Variants in SORCS1 observed in about 807,000 individuals in gnomAD.
SORCS1 encodes sortilin related VPS10 domain containing receptor 1, also known as VPS10 domain-containing receptor SorCS1.
A neutral mutation model predicts 146.1 loss-of-function variants in SORCS1; 60 were observed. The observed-to-expected ratio is 0.41, with a 90% CI of 0.33 to 0.51. The LOEUF (loss-of-function observed/expected upper bound fraction) is 0.51, where lower values mean the gene tolerates loss of function less well. SORCS1 is among the 20% of genes least tolerant of loss of function. The pLI is 0.21. For synonymous variants in SORCS1, 637 were observed against 584.0 expected (o/e 1.09, Z -1.31); for missense variants, 1,352 against 1,487.6 (o/e 0.91, Z 1.50).
At chr10:106,706,757 G>C (rs902309274) in intron 7 of SORCS1, 123 bp from the exon 8 acceptor site, 1 of 835,682 alleles carries the variant, frequency 1.2e-6, no homozygotes, top group East Asian at 2.6e-5. Flanking sequence ...TGTCTATTGC[G>C]GACAAGTGTA....
At chr10:107,151,303 A>C (rs539384321) in intron 1 of SORCS1, among the ~76,000 whole-genome samples, 1 of 152,096 alleles carries the variant, frequency 6.6e-6, no homozygotes, top group African/African-American at 2.4e-5. Context: ...GTCTGAGGTG[A>C]TCTCAGATAG....
intron 4 of SORCS1, among the ~76,000 whole-genome samples, chr10:106,769,832 C>T (rs557830842): frequency 3.9e-5 from 6 of 152,308 alleles, no homozygotes; most frequent in Admixed American, 6.5e-5. Context: ...ACAGGGCTCA[C>T]GCCTGTAATC....
intron 10 of SORCS1, among the ~76,000 whole-genome samples, chr10:106,684,251 T>C (rs1852650716): frequency 6.6e-6 from 1 of 152,080 alleles, no homozygotes; most frequent in African/African-American, 2.4e-5. Flanking sequence ...GGCAGGAGAA[T>C]CACTTGAATC....
chr10:107,108,810 T>C (rs983621019), intron 1 of SORCS1, among the ~76,000 whole-genome samples: 25 of 151,712 alleles, frequency 1.6e-4, no homozygotes, highest in African/African-American at 6.1e-4. Flanking sequence ...GCCTGTAACA[T>C]AAAAAAAACA....
At chr10:106,994,063 CAAAAAAAAAA>C (rs67408221) in intron 1 of SORCS1, among the ~76,000 whole-genome samples, 213 of 80,818 alleles carry the variant, frequency 2.6e-3, no homozygotes, top group African/African-American at 0.011. Context: ...GACCCCATCT[CAAAAAAAAAA>C]AAAAAAAAAA....
chr10:106,938,279 GTCATTATACACTGGCTTGGTAGC>G (rs1273223263), intron 2 of SORCS1, among the ~76,000 whole-genome samples: 5 of 152,176 alleles, frequency 3.3e-5, no homozygotes, highest in African/African-American at 1.2e-4. Flanking sequence ...GTTGATGTTT[GTCATTATACACTGGCTTGGTAGC>G]TACACCTTGA....
chr10:106,591,260 G>A (rs1428740489), intron 24 of SORCS1, among the ~76,000 whole-genome samples: 1 of 152,098 alleles, frequency 6.6e-6, no homozygotes, highest in Non-Finnish European at 1.5e-5. Context: ...CTGGGACGTA[G>A]AACTCCAGGA....
intron 3 of SORCS1, among the ~76,000 whole-genome samples, chr10:106,812,617 G>A (rs1219385431): frequency 6.6e-6 from 1 of 152,158 alleles, no homozygotes; most frequent in Non-Finnish European, 1.5e-5. Flanking sequence ...TAGAAAAAGT[G>A]TCTGTCACTG....
intron 10 of SORCS1, among the ~76,000 whole-genome samples, chr10:106,680,731 A>G (rs1589650520): frequency 6.6e-6 from 1 of 152,226 alleles, no homozygotes; most frequent in Non-Finnish European, 1.5e-5. Flanking sequence ...ATTTCTTTTC[A>G]TATCTCAGGA....
chr10:106,991,623 T>G (rs1956775286), intron 1 of SORCS1, among the ~76,000 whole-genome samples: 1 of 152,360 alleles, frequency 6.6e-6, no homozygotes. Flanking sequence ...CCATGATTTT[T>G]GGCTTTGAAT....
At chr10:107,168,672 T>A (rs1216674669), upstream of SORCS1, among the ~76,000 whole-genome samples, 1 of 89,758 alleles carries the variant, frequency 1.1e-5, no homozygotes, top group African/African-American at 4.7e-5. Context: ...ATGCCTTTTT[T>A]TTTTTTTTTT....
chr10:107,061,061 T>C (rs904801282), intron 1 of SORCS1, among the ~76,000 whole-genome samples: 4 of 152,192 alleles, frequency 2.6e-5, no homozygotes, highest in Non-Finnish European at 4.4e-5. Flanking sequence ...ATGCTAGTGA[T>C]GTATTCCATC....
At chr10:107,053,720 C>A (rs1453678203) in intron 1 of SORCS1, among the ~76,000 whole-genome samples, 1 of 152,144 alleles carries the variant, frequency 6.6e-6, no homozygotes, top group African/African-American at 2.4e-5. Context: ...AAATACGTTT[C>A]ATTATAAATA....
intron 23 of SORCS1, chr10:106,600,660 C>A: frequency 1.0e-6 from 1 of 985,412 alleles, no homozygotes; most frequent in Non-Finnish European, 1.2e-6. Context: ...TTCTTACTAT[C>A]TTTTCTAGCA....
chr10:107,117,700 C>T (rs991345160), intron 1 of SORCS1, among the ~76,000 whole-genome samples: 1 of 152,164 alleles, frequency 6.6e-6, no homozygotes, highest in African/African-American at 2.4e-5. Context: ...CTTACTTGGC[C>T]TCTGTTACTC....
intron 1 of SORCS1, among the ~76,000 whole-genome samples, chr10:107,068,343 C>T (rs940276794): frequency 5.1e-4 from 77 of 152,244 alleles, no homozygotes; most frequent in African/African-American, 1.8e-3. Context: ...TTTGGTGAAG[C>T]AGTGGACGAT....
Position 106,829,626 on chromosome 10 carries a change from C to A in SORCS1, c.674G>T (p.Gly225Val). The A allele has an allele frequency of 2.5e-6, 4 of 1,607,996 alleles. No homozygotes were observed. Among genetic ancestry groups the A allele is most frequent in the Non-Finnish European group, 3.4e-6 (4 of 1,175,312 alleles). Residue 225 changes from glycine (G) to valine (V), a missense_variant, in exon 3 of 26, where the codon GGT (glycine) becomes GTT (valine). Around this residue, in one of 3 missense-constraint regions of SORCS1, gnomAD observed 490 missense variants for 489.1 expected, o/e 1.00. Transcript: ENST00000263054. The part of the protein sequence containing the change: ...TTYEKLNDKV[G>V]LKTILSYLYV... ...GAGATAGCTCAAAATGGTTTTCAAA[C>A]CAACTTTATCATTCAGCTTCTCATA... is the stretch of plus-strand genomic sequence containing the variant.
intron 3 of SORCS1, among the ~76,000 whole-genome samples, chr10:106,776,941 T>C (rs576214623): frequency 6.6e-6 from 1 of 152,232 alleles, no homozygotes; most frequent in African/African-American, 2.4e-5. Flanking sequence ...ATAACTGTAT[T>C]CTCTTCTCTT....
At chr10:106,671,429 T>C (rs1487644171) in intron 15 of SORCS1, 62 bp from the exon 16 acceptor site, 1 of 1,602,038 alleles carries the variant, frequency 6.2e-7, no homozygotes, top group Non-Finnish European at 8.5e-7. Context: ...CTGCTCCACA[T>C]GAGTGACATT....
Sources: gnomAD v4.1 joint callset for allele counts (sites outside exome capture counted in the v4.1 genomes callset) on GRCh38, gnomAD v4.1.1 for gene constraint, gnomAD v4.1.1 regional missense constraint, MANE v1.5 for transcripts, NCBI Gene and HGNC (gene_info 2026-07-23, HGNC 2026-07-21) for gene names.